The following ZNF585B variants were observed in gnomAD, a reference collection of about 807,000 sequenced individuals.
ZNF585B encodes the protein zinc finger protein 585B, also known as zinc finger protein 41-like protein.
ZNF585B carries 7 observed loss-of-function variants against 14.0 expected under a neutral mutation model. The ratio of observed to expected loss-of-function variants is 0.50; its 90% CI spans 0.28 to 0.94. The LOEUF (loss-of-function observed/expected upper bound fraction) is 0.94, where lower values mean the gene tolerates loss of function less well. ZNF585B is among the 40% of genes least tolerant of loss of function. ZNF585B has a pLI of 0.09. For missense variants in ZNF585B, 750 were observed against 924.4 expected (o/e 0.81, Z 2.45); for synonymous variants, 290 against 317.3 (o/e 0.91, Z 0.91).
At chr19:37,199,697 C>T (rs1327191450) in intron 2 of ZNF585B, among the ~76,000 whole-genome samples, 1 of 152,042 alleles carries the variant, frequency 6.6e-6, no homozygotes, top group African/African-American at 2.4e-5. Flanking sequence ...TGACACACAA[C>T]AGAAAAAACA....
rs1972297651 is a variant in ZNF585B at position 37,184,404 on chromosome 19, G to GAAAGAAAGAAAGAA, written c.*822_*823insTTCTTTCTTTCTTT. On this transcript the variant is annotated 3_prime_UTR_variant, in exon 5 of 5. Coordinates refer to ENST00000532828, the MANE Select transcript of ZNF585B (RefSeq NM_152279.4). ...AGAAAGAAAGAAAGAAAGAAAGAAAGAAAGAAAGAAAGAGAAAGAAAGAAA... is the reference window on the plus strand; with the variant it reads ...AGAAAGAAAGAAAGAAAGAAAGAAAGAAAGAAAGAAAGAAAAAGAAAGAAAGAGAAAGAAAGAAA... 1.9e-5 allele frequency: 1 copy of GAAAGAAAGAAAGAA among 51,866 alleles called. No individual in the cohort carries two copies. Among genetic ancestry groups the GAAAGAAAGAAAGAA allele is most frequent in the Non-Finnish European group, 3.7e-5 (1 of 26,788 alleles). 3.2% of individuals were successfully genotyped at this position (51,866 alleles called of 1,614,324 possible).
In ZNF585B at chr19:37,186,001, A is replaced by G. The variant is rs1347947589; in HGVS notation, c.1536T>C (p.His512=). The G allele has an allele frequency of 2.5e-6, 4 of 1,613,888 alleles. No homozygotes were observed. Among genetic ancestry groups the G allele is most frequent in the South Asian group, 2.2e-5 (2 of 91,068 alleles). ...AFTQRSDLIT[H]QRIHTGEKPY... The stretch of plus-strand genomic sequence containing the variant: ...GCTTCTCCCCAGTATGGATTCTCTG[A>G]TGTGTAATCAAGTCTGACCTCTGGG... Residue 512 remains histidine, a synonymous_variant, in exon 5 of 5, where the codon CAT becomes CAC. Coordinates refer to ENST00000532828, the MANE Select transcript of ZNF585B (RefSeq NM_152279.4).
chr19:37,200,965 C>T (rs1251129165), intron 2 of ZNF585B, among the ~76,000 whole-genome samples: 2 of 151,876 alleles, frequency 1.3e-5, no homozygotes, highest in Non-Finnish European at 2.9e-5. Context: ...GTGACACACA[C>T]CTGTAATCCC....
chr19:37,200,549 CAAAAAA>C (rs368092726), intron 2 of ZNF585B, among the ~76,000 whole-genome samples: 3 of 48,822 alleles, frequency 6.1e-5, no homozygotes, highest in African/African-American at 2.4e-4. Flanking sequence ...GATTCTGTCT[CAAAAAA>C]AAAAAAAAAA....
rs1444632391 is a variant in ZNF585B at position 37,187,256 on chromosome 19, C to T, written c.293-12G>A. On this transcript the variant is annotated splice_polypyrimidine_tract_variant and intron_variant, in intron 4 of 4. Transcript: ENST00000532828. Reference sequence around the variant, plus strand: ...CCATAATTTCTCTCCTGTTGGAGTACATTCACAGTAAGTATAGAAAGACAT... The same window carrying T: ...CCATAATTTCTCTCCTGTTGGAGTATATTCACAGTAAGTATAGAAAGACAT... 6.4e-7 allele frequency: 1 copy of T among 1,564,062 alleles called. No individual in the cohort carries two copies. Among genetic ancestry groups the T allele is most frequent in the Admixed American group, 1.8e-5 (1 of 55,010 alleles).
chr19:37,199,863 G>C (rs1261871272), intron 2 of ZNF585B, among the ~76,000 whole-genome samples: 1 of 151,526 alleles, frequency 6.6e-6, no homozygotes, highest in Admixed American at 6.6e-5. Context: ...CACCAACATG[G>C]ACAAACCCCG....
At chr19:37,197,863 T>C (rs557778018) in intron 2 of ZNF585B, among the ~76,000 whole-genome samples, 1 of 152,282 alleles carries the variant, frequency 6.6e-6, no homozygotes, top group East Asian at 1.9e-4. Flanking sequence ...AAAGTAAGGC[T>C]ATAATGTTAA....
At chr19:37,201,830 C>A (rs1972533613) in intron 2 of ZNF585B, among the ~76,000 whole-genome samples, 1 of 152,044 alleles carries the variant, frequency 6.6e-6, no homozygotes, top group South Asian at 2.1e-4. Context: ...TAAATTACTT[C>A]TCTAAATTAT....
At chr19:37,198,646 G>C (rs545916687) in intron 2 of ZNF585B, among the ~76,000 whole-genome samples, 1 of 150,926 alleles carries the variant, frequency 6.6e-6, no homozygotes, top group African/African-American at 2.4e-5. Context: ...TGAGACAGGA[G>C]AATCTCTTCA....
chr19:37,203,390 G>T (rs895782258), intron 2 of ZNF585B, among the ~76,000 whole-genome samples: 2 of 144,276 alleles, frequency 1.4e-5, no homozygotes, highest in African/African-American at 5.1e-5. Context: ...TGAGGCAGGA[G>T]AATCACTTGA....
At chr19:37,196,390 T>C (rs942162912) in intron 2 of ZNF585B, among the ~76,000 whole-genome samples, 1 of 152,152 alleles carries the variant, frequency 6.6e-6, no homozygotes, top group African/African-American at 2.4e-5. Context: ...TCCAAAACAT[T>C]TGGAATATTT....
intron 4 of ZNF585B, 116 bp from the exon 5 acceptor site, chr19:37,187,360 C>T: frequency 1.3e-6 from 1 of 767,426 alleles, no homozygotes; most frequent in South Asian, 2.1e-5. Flanking sequence ...AATTATGCTT[C>T]AAGCCATTTC....
At position 37,207,270 on chromosome 19, in the gene ZNF585B, C is replaced by T; in HGVS notation, c.-143-16G>A. On this transcript the variant is annotated splice_polypyrimidine_tract_variant and intron_variant, in intron 1 of 4. Transcript: ENST00000532828. ...ACCCAAGAACCTAGAAAAACAATGT[C>T]CACGTAGTCATTCAACATTCACTAC... The T allele has an allele frequency of 7.0e-7, 1 of 1,437,314 alleles. No individual in the cohort carries two copies. The highest frequency in any genetic ancestry group is 9.1e-7 in the Non-Finnish European group (1 of 1,096,082). 89.0% of individuals were successfully genotyped at this position (1,437,314 alleles called of 1,614,324 possible).
Position 37,184,440 on chromosome 19 carries a change from G to GA in ZNF585B, c.*786dup, listed in dbSNP as rs751621663. On this transcript the variant is annotated 3_prime_UTR_variant, in exon 5 of 5. Coordinates refer to ENST00000532828, the MANE Select transcript of ZNF585B (RefSeq NM_152279.4). ...AGAGAAAGAAAGAAAAAGAAAGAAA[G>GA]AAGGAAAGAAAGAAAGAAAGAAAGA... 6.5e-5 allele frequency: 4 copies of GA among 61,774 alleles called. No individual in the cohort carries two copies. Among genetic ancestry groups the GA allele is most frequent in the East Asian group, 4.8e-4 (1 of 2,072 alleles). The allele number at this position is 61,774 out of a possible 1,614,324, so 3.8% of individuals were successfully genotyped here.
rs754051015 is a variant in ZNF585B, at chr19:37,189,736, G to C, written c.217C>G (p.Pro73Ala). The C allele has an allele frequency of 5.6e-6, 9 of 1,613,928 alleles. No homozygotes were observed. In the East Asian group the frequency reaches 6.7e-5, roughly 12 times the overall value. Residue 73 changes from proline (P) to alanine (A), a missense_variant, in exon 4 of 5, where the codon CCA becomes GCA. Physicochemically the swap from Pro to Ala is conservative, Grantham distance 27. Coordinates refer to ENST00000532828, the MANE Select transcript of ZNF585B (RefSeq NM_152279.4). ...LLSVGYQVPKPEVVMLEQGKE... is the reference protein window; with the variant it reads ...LLSVGYQVPKAEVVMLEQGKE... ...CCTTGCTCCAACATGACCACCTCTGGTTTAGGAACTTGATACCCTGTTCAT... is the reference window on the plus strand; with the variant it reads ...CCTTGCTCCAACATGACCACCTCTGCTTTAGGAACTTGATACCCTGTTCAT...
intron 2 of ZNF585B, among the ~76,000 whole-genome samples, chr19:37,198,744 G>GAAAA (rs61435592): frequency 1.9e-5 from 2 of 104,020 alleles, no homozygotes; most frequent in Non-Finnish European, 4.3e-5. Context: ...CTCAGAAAAA[G>GAAAA]AAAAAAAAAA....
chr19:37,188,434 C>CG (rs1972363685), intron 4 of ZNF585B, among the ~76,000 whole-genome samples: 1 of 152,024 alleles, frequency 6.6e-6, no homozygotes, highest in Non-Finnish European at 1.5e-5. Context: ...TGCAGTGAGC[C>CG]GAGATCGTGC....
chr19:37,186,746 T>A lies in ZNF585B; in HGVS notation c.791A>T (p.His264Leu). 3 of 1,614,190 alleles carry A rather than the reference T, an allele frequency of 1.9e-6. No individual in the cohort carries two copies. The highest frequency in any genetic ancestry group is 2.5e-6 in the Non-Finnish European group (3 of 1,180,026). Residue 264 changes from histidine to leucine, a missense_variant, in exon 5 of 5, where the codon CAT becomes CTT. This residue lies in a region of ZNF585B where 517 missense variants were observed against 570.3 expected (regional missense o/e 0.91). Coordinates refer to ENST00000532828, the MANE Select transcript of ZNF585B (RefSeq NM_152279.4). ...KSTLKIHQKIHTGERSYICIE... is the reference protein window; with the variant it reads ...KSTLKIHQKILTGERSYICIE... ...ACAGATGTAGGATCTCTCGCCTGTA[T>A]GGATTTTCTGATGAATCTTGAGTGT...
intron 3 of ZNF585B, 90 bp downstream of exon 3, chr19:37,189,934 C>T: frequency 1.3e-6 from 2 of 1,582,102 alleles, no homozygotes; most frequent in Admixed American, 3.6e-5. Context: ...AAAACCATCA[C>T]CTATCTAAGA....
Sources: allele counts gnomAD v4.1 joint callset (sites outside exome capture counted in the v4.1 genomes callset), GRCh38; gene constraint gnomAD v4.1.1; regional missense constraint gnomAD v4.1.1; transcripts MANE v1.5; gene names NCBI Gene and HGNC (gene_info 2026-07-23, HGNC 2026-07-21).